The following DDX31 variants were observed in gnomAD, a reference collection of about 807,000 sequenced individuals.
The protein encoded by DDX31 is ATP-dependent DNA helicase DDX31.
DDX31 carries 70 observed loss-of-function variants against 91.3 expected under a neutral mutation model. That is an observed-to-expected ratio of 0.77 (90% CI 0.63 to 0.94). The LOEUF is 0.94. Among genes scored for constraint, DDX31 ranks in the 40% least tolerant of loss-of-function variants. DDX31 has a pLI of 0.00. For missense variants in DDX31, 902 were observed against 925.0 expected, an observed-to-expected ratio of 0.98 and a Z score of 0.32; for synonymous variants, 362 against 350.6, an observed-to-expected ratio of 1.03 and a Z score of -0.36.
chr9:132,604,857 G>A (rs1039902143), intron 19 of DDX31, among the ~76,000 whole-genome samples: 1 of 152,186 alleles, frequency 6.6e-6, no homozygotes, highest in South Asian at 2.1e-4. Context: ...TTGTCTAGGT[G>A]GGGTGGAGGC....
intron 19 of DDX31, among the ~76,000 whole-genome samples, chr9:132,605,500 A>T (rs1169318633): frequency 6.6e-6 from 1 of 152,140 alleles, no homozygotes; most frequent in East Asian, 1.9e-4. Flanking sequence ...GTCCCCAAGC[A>T]TTCTGGATGA....
intron 18 of DDX31, among the ~76,000 whole-genome samples, chr9:132,617,834 T>C (rs913563995): frequency 1.3e-5 from 2 of 152,240 alleles, no homozygotes; most frequent in Admixed American, 6.5e-5. Context: ...AACACCTCTC[T>C]CTTTCATAAA....
intron 3 of DDX31, 144 bp downstream of exon 3, chr9:132,662,117 A>C (rs1053056390): frequency 1.3e-6 from 1 of 782,992 alleles, no homozygotes; most frequent in Admixed American, 2.5e-5. Flanking sequence ...GAAGAGTATC[A>C]TATCAATCTG....
intron 18 of DDX31, among the ~76,000 whole-genome samples, chr9:132,614,083 C>T (rs1021308435): frequency 1.3e-5 from 2 of 152,100 alleles, no homozygotes; most frequent in Non-Finnish European, 2.9e-5. Context: ...CAAGTTTGCC[C>T]ACAGCTTAAA....
At chr9:132,646,254 G>A (rs1204972639) in intron 12 of DDX31, among the ~76,000 whole-genome samples, 183 bp from the exon 13 acceptor site, 4 of 152,192 alleles carry the variant, frequency 2.6e-5, no homozygotes, top group African/African-American at 9.6e-5. Context: ...GAATGCAGGA[G>A]AGGAAAACGA....
At chr9:132,629,446 G>C (rs929677237) in intron 16 of DDX31, among the ~76,000 whole-genome samples, 1 of 152,236 alleles carries the variant, frequency 6.6e-6, no homozygotes. Flanking sequence ...AGAGTTCTGC[G>C]GATGGGAGAC....
intron 14 of DDX31, among the ~76,000 whole-genome samples, chr9:132,634,464 CTAAG>C (rs1440026807): frequency 1.3e-5 from 2 of 152,030 alleles, no homozygotes; most frequent in African/African-American, 2.4e-5. Context: ...CACATACCTC[CTAAG>C]TAAAAGGACA....
chr9:132,637,825 A>G (rs1833220601), intron 14 of DDX31: 1 of 985,808 alleles, frequency 1.0e-6, no homozygotes, highest in African/African-American at 1.7e-5. Flanking sequence ...AATAAAACGA[A>G]AAAGATACAC....
intron 17 of DDX31, among the ~76,000 whole-genome samples, chr9:132,621,033 G>A (rs7034065): frequency 0.12 from 18,510 of 152,186 alleles, 1,221 homozygotes; most frequent in Admixed American, 0.18. Flanking sequence ...TTAAGATCTC[G>A]CAATGCCAGC....
chr9:132,663,972 C>T (rs1268057997), intron 1 of DDX31, among the ~76,000 whole-genome samples: 2 of 152,292 alleles, frequency 1.3e-5, no homozygotes, highest in African/African-American at 4.8e-5. Context: ...ACCCAGGACT[C>T]CTGGAGCACA....
In DDX31 at chr9:132,652,306, A is replaced by G. The variant is rs1834242194; in HGVS notation, c.633+142T>C. 3 of 887,760 alleles carry G rather than the reference A, an allele frequency of 3.4e-6. No individual in the cohort carries two copies. In the South Asian group the frequency reaches 5.4e-5, roughly 16 times the overall value. The allele number at this position is 887,760 out of a possible 1,614,324, so 55.0% of individuals were successfully genotyped here. On this transcript the variant is annotated intron_variant, in intron 7 of 19. Coordinates refer to ENST00000372159, the MANE Select transcript of DDX31 (RefSeq NM_022779.9). Reference sequence around the variant, plus strand: ...TGAATTTTTCTCCTTGACAAGAACCAGAAGGATGGTTTCCAGGCAAATGGA... The same window carrying G: ...TGAATTTTTCTCCTTGACAAGAACCGGAAGGATGGTTTCCAGGCAAATGGA...
At chr9:132,639,199 A>G (rs555650983) in intron 14 of DDX31, among the ~76,000 whole-genome samples, 10 of 152,240 alleles carry the variant, frequency 6.6e-5, no homozygotes, top group African/African-American at 2.4e-4. Context: ...CATATGCTAG[A>G]AGCATCAGCT....
chr9:132,642,814 G>C (rs1443708476), intron 13 of DDX31, among the ~76,000 whole-genome samples: 1 of 151,746 alleles, frequency 6.6e-6, no homozygotes, highest in Non-Finnish European at 1.5e-5. Flanking sequence ...GTTGTATTAT[G>C]GCAATTAAGG....
chr9:132,648,382 G>A (rs369994180), intron 10 of DDX31, 50 bp downstream of exon 10: 20 of 1,607,236 alleles, frequency 1.2e-5, no homozygotes, highest in Non-Finnish European at 1.6e-5. Context: ...ACAAGGAGAG[G>A]AGAAACAGCC....
chr9:132,622,253 G>A (rs1388941170), intron 17 of DDX31, among the ~76,000 whole-genome samples: 1 of 152,208 alleles, frequency 6.6e-6, no homozygotes, highest in Non-Finnish European at 1.5e-5. Context: ...GGGAAGCAAG[G>A]ATTCAAACTC....
rs1835032661 is a variant in DDX31, at chr9:132,662,500, TCTC to T, written c.268_270del (p.Glu90del). 4 of 1,614,206 alleles carry T rather than the reference TCTC, an allele frequency of 2.5e-6. No homozygotes were observed. Among genetic ancestry groups the T allele is most frequent in the Non-Finnish European group, 2.5e-6 (3 of 1,180,032 alleles). On this transcript the variant is annotated inframe_deletion, in exon 2 of 20. Transcript: ENST00000372159. ...AGTGATGAAGTCTTAATGCACTGTC[TCTC>T]CTCCTGGTTTCTATCACTTGTGCTA...
chr9:132,641,658 CAG>C (rs1833511544), intron 14 of DDX31, among the ~76,000 whole-genome samples: 1 of 152,218 alleles, frequency 6.6e-6, no homozygotes. Flanking sequence ...CAGAGGCAAT[CAG>C]AGTCATTTTG....
Position 132,594,439 on chromosome 9 carries a change from T to G in DDX31, c.*427A>C, listed in dbSNP as rs1830331700. On this transcript the variant is annotated 3_prime_UTR_variant, in exon 20 of 20. Coordinates refer to ENST00000372159, the MANE Select transcript of DDX31 (RefSeq NM_022779.9). ...TTTTTAACACCCTAATTCACAAAAT[T>G]CATGCCAATGTATGCGCTGATAGGC... The G allele has an allele frequency of 6.3e-6, 1 of 159,154 alleles. No homozygotes were observed. Among genetic ancestry groups the G allele is most frequent in the Non-Finnish European group, 1.4e-5 (1 of 72,384 alleles). 9.9% of individuals were successfully genotyped at this position (159,154 alleles called of 1,614,324 possible).
At position 132,652,484 on chromosome 9, in the gene DDX31, A is replaced by T; in HGVS notation, c.597T>A (p.Asp199Glu). The T allele has an allele frequency of 6.2e-7, 1 of 1,614,216 alleles. No homozygotes were observed. The highest frequency in any genetic ancestry group is 8.5e-7 in the Non-Finnish European group (1 of 1,180,040). The change falls in exon 7 of 20, where the codon GAT becomes GAA. Residue 199 changes from aspartate to glutamate, a missense_variant. Transcript: ENST00000372159. Reference protein sequence around the residue: ...QAMESKIQRSDGPYALVLVPT... With the variant: ...QAMESKIQRSEGPYALVLVPT... The stretch of plus-strand genomic sequence containing the variant: ...GCACGAGCACCAGGGCATAGGGGCC[A>T]TCACTGCGCTGTTGACACACAGAAA...
Sources: gnomAD v4.1 joint callset for allele counts (sites outside exome capture counted in the v4.1 genomes callset) on GRCh38, gnomAD v4.1.1 for gene constraint, MANE v1.5 for transcripts, NCBI Gene and HGNC (gene_info 2026-07-23, HGNC 2026-07-21) for gene names.